The following VSTM2A variants were observed in gnomAD, a reference collection of about 807,000 sequenced individuals.
VSTM2A encodes V-set and transmembrane domain containing 2A.
A neutral mutation model predicts 27.3 loss-of-function variants in VSTM2A; 13 were observed. The observed-to-expected ratio is 0.48, with a 90% CI of 0.31 to 0.76. VSTM2A has a LOEUF of 0.76. VSTM2A is among the 30% of genes least tolerant of loss of function. The pLI, the probability that VSTM2A is intolerant of heterozygous loss-of-function variation, is 0.05. For synonymous variants in VSTM2A, 142 were observed against 125.7 expected (o/e 1.13, Z -0.87); for missense variants, 280 against 310.0 (o/e 0.90, Z 0.73).
intron 4 of VSTM2A, among the ~76,000 whole-genome samples, chr7:54,567,946 G>C (rs1788774343): frequency 6.6e-6 from 1 of 151,962 alleles, no homozygotes; most frequent in Non-Finnish European, 1.5e-5. Context: ...TGCATTTTTT[G>C]AAACTTGTCA....
chr7:54,557,320 C>CTTTTTTTTTTTTT (rs10543201), intron 4 of VSTM2A: 1 of 135,038 alleles, frequency 7.4e-6, no homozygotes. Context: ...TCATTTCTTT[C>CTTTTTTTTTTTTT]TTTTTTTTTT....
Position 54,553,819 on chromosome 7 carries a change from C to T in VSTM2A, c.634+3649C>T, listed in dbSNP as rs1441292589. 14 of 1,549,710 alleles carry T rather than the reference C, an allele frequency of 9.0e-6. No individual in the cohort carries two copies. The East Asian group carries it at 9.8e-5, about 11-fold the overall frequency. On this transcript the variant is annotated intron_variant, in intron 4 of 4. Coordinates refer to ENST00000402613, the MANE Select transcript of VSTM2A (RefSeq NM_001301009.2). ...GCCCCTCCACCATGCCCCCAAATAC[C>T]CCAATATACTAAGTCATTCTCTACT...
intron 4 of VSTM2A, among the ~76,000 whole-genome samples, chr7:54,556,444 G>A (rs1023934666): frequency 2.6e-5 from 4 of 152,112 alleles, no homozygotes; most frequent in Non-Finnish European, 5.9e-5. Context: ...GGGAGATGAG[G>A]GACTGAGGGT....
intron 2 of VSTM2A, chr7:54,546,670 A>AGGGACAGCGCC (rs201369769): frequency 1.7e-4 from 62 of 362,070 alleles, no homozygotes; most frequent in South Asian, 1.1e-3. Flanking sequence ...TCCGCGCGGC[A>AGGGACAGCGCC]GGGACAGCGC....
chr7:54,569,361 C>G lies in VSTM2A; in HGVS notation c.*142C>G. 1.4e-6 allele frequency: 2 copies of G among 1,392,484 alleles called. No individual in the cohort carries two copies. The highest frequency in any genetic ancestry group is 2.6e-5 in the Admixed American group (1 of 37,840). The allele number at this position is 1,392,484 out of a possible 1,614,324, so 86.3% of individuals were successfully genotyped here. A position where few individuals can be genotyped will look rare whatever the true frequency, so the allele number is the denominator to read the frequency against. On this transcript the variant is annotated 3_prime_UTR_variant, in exon 5 of 5. Transcript: ENST00000402613. Reference sequence around the variant, plus strand: ...GAAGTGATAGAACGTTTTCTAATAGCAAGATCTATTTTTTCCCTTTTCTTT... The same window carrying G: ...GAAGTGATAGAACGTTTTCTAATAGGAAGATCTATTTTTTCCCTTTTCTTT...
rs536956259 is a variant in VSTM2A at position 54,567,550 on chromosome 7, T to C, written c.635-1581T>C. Among the ~76,000 whole-genome samples, 8 of 152,286 alleles carry C rather than the reference T, an allele frequency of 5.3e-5. No individual in the cohort carries two copies. The South Asian group carries it at 1.7e-3, about 32-fold the overall frequency. On this transcript the variant is annotated intron_variant, in intron 4 of 4. Transcript: ENST00000402613. The stretch of plus-strand genomic sequence containing the variant: ...TTAATTAAGAAAGGGATGACATAAA[T>C]TATGGTGCAGTTTCAACAAATTCGA...
At chr7:54,549,758 G>A (rs1788119237) in intron 3 of VSTM2A, 76 bp from the exon 4 acceptor site, 1 of 1,363,648 alleles carries the variant, frequency 7.3e-7, no homozygotes, top group Non-Finnish European at 9.9e-7. Flanking sequence ...TCCAATATTA[G>A]CAAGCTCAGG....
intron 4 of VSTM2A, chr7:54,553,772 C>G: frequency 6.7e-7 from 1 of 1,499,264 alleles, no homozygotes; most frequent in Non-Finnish European, 9.0e-7. Flanking sequence ...GGTCCCTCTT[C>G]GCAGAGAACA....
intron 4 of VSTM2A, chr7:54,557,320 C>CTTT (rs10543201): frequency 4.4e-5 from 6 of 135,046 alleles, no homozygotes; most frequent in African/African-American, 1.6e-4. Context: ...TCATTTCTTT[C>CTTT]TTTTTTTTTT....
chr7:54,553,257 A>C (rs1788246335), intron 4 of VSTM2A, among the ~76,000 whole-genome samples: 1 of 152,178 alleles, frequency 6.6e-6, no homozygotes, highest in Non-Finnish European at 1.5e-5. Flanking sequence ...TGAATCCTTC[A>C]CTTGTAAAAT....
chr7:54,566,670 G>C (rs1788733932), intron 4 of VSTM2A, among the ~76,000 whole-genome samples: 1 of 152,128 alleles, frequency 6.6e-6, no homozygotes, highest in African/African-American at 2.4e-5. Context: ...GCAATACCTG[G>C]CATACTAATA....
At chr7:54,553,641 G>A (rs1317239364) in intron 4 of VSTM2A, among the ~76,000 whole-genome samples, 1 of 152,134 alleles carries the variant, frequency 6.6e-6, no homozygotes, top group East Asian at 1.9e-4. Flanking sequence ...GAAGGGACTT[G>A]GAGGATAGGG....
rs544310525 is a variant in VSTM2A at position 54,550,383 on chromosome 7, C to T, written c.634+213C>T. 6 of 1,361,094 alleles carry T rather than the reference C, an allele frequency of 4.4e-6. No individual in the cohort carries two copies. The East Asian group carries it at 1.0e-4, about 23-fold the overall frequency. 84.3% of individuals were successfully genotyped at this position (1,361,094 alleles called of 1,614,324 possible). On this transcript the variant is annotated intron_variant, in intron 4 of 4. Coordinates refer to ENST00000402613, the MANE Select transcript of VSTM2A (RefSeq NM_001301009.2). ...GCACCCCGTCAGTCCCCTAGTGGTG[C>T]TTCATTTCCAGGGCATCTGAGAGCT... is the stretch of plus-strand genomic sequence containing the variant.
intron 4 of VSTM2A, chr7:54,558,767 T>C (rs1788456645): frequency 6.6e-6 from 1 of 152,082 alleles, no homozygotes; most frequent in Non-Finnish European, 1.5e-5. Flanking sequence ...AGGAGACATA[T>C]GATCACAGTT....
chr7:54,551,818 A>C (rs901534350), intron 4 of VSTM2A: 2 of 152,212 alleles, frequency 1.3e-5, no homozygotes, highest in African/African-American at 4.8e-5. Context: ...AAATCATGGA[A>C]GTGAAATTAT....
intron 4 of VSTM2A, among the ~76,000 whole-genome samples, chr7:54,567,015 T>A (rs1788745690): frequency 1.3e-5 from 2 of 152,194 alleles, no homozygotes; most frequent in Non-Finnish European, 2.9e-5. Context: ...ACAGGACAAA[T>A]TATAGCATTT....
At position 54,570,873 on chromosome 7, in the gene VSTM2A, G is replaced by C. The variant is rs1788873288; in HGVS notation, c.*1654G>C. 1 of 152,068 alleles carries C rather than the reference G, an allele frequency of 6.6e-6. No individual in the cohort carries two copies. Among genetic ancestry groups the C allele is most frequent in the Non-Finnish European group, 1.5e-5 (1 of 68,006 alleles). 9.4% of individuals were successfully genotyped at this position (152,068 alleles called of 1,614,324 possible). On this transcript the variant is annotated 3_prime_UTR_variant, in exon 5 of 5. Coordinates refer to ENST00000402613, the MANE Select transcript of VSTM2A (RefSeq NM_001301009.2). The stretch of plus-strand genomic sequence containing the variant: ...ATAACCCGAAGCTTGAAGGCAATCA[G>C]TACCTCTGCTTTTCAAAGGTAAATG...
intron 4 of VSTM2A, 155 bp downstream of exon 4, chr7:54,550,325 C>G (rs1788148894): frequency 1.4e-6 from 2 of 1,461,892 alleles, no homozygotes; most frequent in Non-Finnish European, 1.8e-6. Flanking sequence ...ACCGAGCCTG[C>G]ACCAATTCAC....
intron 4 of VSTM2A, among the ~76,000 whole-genome samples, chr7:54,567,798 G>T: frequency 6.6e-6 from 1 of 151,254 alleles, no homozygotes; most frequent in Middle Eastern, 3.4e-3. Flanking sequence ...CCCTGTCAAA[G>T]AGTTTCTCTT....
Sources: gnomAD v4.1 joint callset for allele counts (sites outside exome capture counted in the v4.1 genomes callset) on GRCh38, gnomAD v4.1.1 for gene constraint, MANE v1.5 for transcripts, NCBI Gene and HGNC (gene_info 2026-07-23, HGNC 2026-07-21) for gene names.